ANO3: variants seen among roughly 807,000 people sequenced by gnomAD.
ANO3 encodes the protein anoctamin 3.
A neutral mutation model predicts 144.8 loss-of-function variants in ANO3; 99 were observed. The observed-to-expected ratio is 0.68, with a 90% CI of 0.58 to 0.81. ANO3 has a LOEUF of 0.81. Ranked by LOEUF, ANO3 falls within the 30% of genes least tolerant of loss-of-function variation. The pLI is 0.00. For missense variants in ANO3, 905 were observed against 1,202.2 expected, an observed-to-expected ratio of 0.75 and a Z score of 3.66; for synonymous variants, 414 against 392.6, an observed-to-expected ratio of 1.05 and a Z score of -0.64.
intron 14 of ANO3, among the ~76,000 whole-genome samples, chr11:26,574,271 C>T (rs764112692): frequency 5.9e-5 from 9 of 152,184 alleles, no homozygotes; most frequent in Non-Finnish European, 5.9e-5. Flanking sequence ...TTCCAGAACA[C>T]GAAGACACAT....
At chr11:26,572,967 C>T (rs1590568752) in intron 14 of ANO3, among the ~76,000 whole-genome samples, 1 of 152,128 alleles carries the variant, frequency 6.6e-6, no homozygotes, top group South Asian at 2.1e-4. Context: ...TGATTAAATA[C>T]TAGAGTTGAA....
intron 1 of ANO3, among the ~76,000 whole-genome samples, chr11:26,373,498 T>A (rs1856319740): frequency 6.6e-6 from 1 of 152,202 alleles, no homozygotes; most frequent in Non-Finnish European, 1.5e-5. Context: ...ATTAAACTGC[T>A]TTTCTTTATA....
intron 14 of ANO3, among the ~76,000 whole-genome samples, chr11:26,576,382 AT>A (rs1160278923): frequency 1.3e-5 from 2 of 152,114 alleles, no homozygotes; most frequent in East Asian, 1.9e-4. Context: ...AAATATAATA[AT>A]TTTTTTGGAG....
chr11:26,315,610 T>A (rs902687485), intron 1 of ANO3, among the ~76,000 whole-genome samples: 4 of 152,130 alleles, frequency 2.6e-5, no homozygotes, highest in Non-Finnish European at 5.9e-5. Flanking sequence ...AGAGATATTC[T>A]CTTTTTTTTT....
At chr11:26,469,359 A>G (rs1859701899) in intron 4 of ANO3, among the ~76,000 whole-genome samples, 1 of 151,904 alleles carries the variant, frequency 6.6e-6, no homozygotes, top group South Asian at 2.1e-4. Context: ...GGAGTGGTGT[A>G]TATGTTATGA....
chr11:26,588,096 T>C (rs1590594637), intron 14 of ANO3, among the ~76,000 whole-genome samples: 1 of 152,174 alleles, frequency 6.6e-6, no homozygotes, highest in Non-Finnish European at 1.5e-5. Context: ...CCACAGATTC[T>C]AAGAACAGTA....
intron 24 of ANO3, among the ~76,000 whole-genome samples, chr11:26,652,419 A>G (rs1299231330): frequency 6.6e-6 from 1 of 152,008 alleles, no homozygotes; most frequent in Non-Finnish European, 1.5e-5. Flanking sequence ...CTTCCTACCT[A>G]CAGTATGTGT....
chr11:26,417,186 A>T (rs1857614652), intron 1 of ANO3, among the ~76,000 whole-genome samples: 1 of 152,144 alleles, frequency 6.6e-6, no homozygotes. Context: ...AAGCTTAGAC[A>T]ACTAAAGCAA....
intron 14 of ANO3, chr11:26,565,180 A>G: frequency 1.5e-5 from 23 of 1,505,542 alleles, no homozygotes; most frequent in Non-Finnish European, 2.0e-5. Flanking sequence ...TGGGGATCTG[A>G]CGTATTTGGA....
At chr11:26,193,077 G>T (rs149569559) in intron 1 of ANO3, among the ~76,000 whole-genome samples, 34 of 150,136 alleles carry the variant, frequency 2.3e-4, no homozygotes, top group Middle Eastern at 7.0e-3. Context: ...TCTCCCTGCC[G>T]TTGCCCCCCA....
At chr11:26,548,008 AG>A (rs1849833076) in intron 12 of ANO3, among the ~76,000 whole-genome samples, 2 of 151,952 alleles carry the variant, frequency 1.3e-5, no homozygotes, top group South Asian at 4.1e-4. Flanking sequence ...TTTGCACATG[AG>A]GGAACCTAAT....
At chr11:26,299,766 C>T (rs2133861540) in intron 1 of ANO3, among the ~76,000 whole-genome samples, 1 of 152,242 alleles carries the variant, frequency 6.6e-6, no homozygotes, top group South Asian at 2.1e-4. Context: ...ATAGAAACTA[C>T]TCCATATGTG....
intron 2 of ANO3, among the ~76,000 whole-genome samples, chr11:26,442,791 G>C (rs1036969761): frequency 2.0e-5 from 3 of 152,122 alleles, no homozygotes; most frequent in Non-Finnish European, 4.4e-5. Flanking sequence ...TTTAGAGATG[G>C]AGTCTTGCTC....
In ANO3 at chr11:26,594,433, A is replaced by T. The variant is rs533866629; in HGVS notation, c.1448-3932A>T. Among the ~76,000 whole-genome samples, 20 of 152,310 alleles carry T rather than the reference A, an allele frequency of 1.3e-4. No homozygotes were observed. In the South Asian group the frequency reaches 3.9e-3, roughly 30 times the overall value. On this transcript the variant is annotated intron_variant, in intron 14 of 26. Transcript: ENST00000256737. ...GTAACATTATATCTCTCCATGTCAG[A>T]TCAAAGGATTGTCCTAACCCTTGTA...
chr11:26,621,971 C>T (rs1852428953), intron 17 of ANO3, among the ~76,000 whole-genome samples: 1 of 152,172 alleles, frequency 6.6e-6, no homozygotes, highest in African/African-American at 2.4e-5. Flanking sequence ...AATGTACACA[C>T]TCACAGCTTG....
At chr11:26,373,701 C>T (rs1434943748) in intron 1 of ANO3, among the ~76,000 whole-genome samples, 1 of 152,112 alleles carries the variant, frequency 6.6e-6, no homozygotes, top group Non-Finnish European at 1.5e-5. Flanking sequence ...ATAATCACAC[C>T]TGGCTCACAG....
intron 1 of ANO3, among the ~76,000 whole-genome samples, chr11:26,216,117 T>C (rs1215319905): frequency 6.6e-6 from 1 of 152,064 alleles, no homozygotes; most frequent in East Asian, 1.9e-4. Context: ...AAGGCTTTGG[T>C]ATAATACGTT....
intron 1 of ANO3, among the ~76,000 whole-genome samples, chr11:26,411,523 G>A (rs1055358110): frequency 5.3e-5 from 8 of 152,006 alleles, no homozygotes; most frequent in African/African-American, 1.9e-4. Flanking sequence ...ACCATGCTAA[G>A]AAAATTTTAC....
At chr11:26,563,083 G>GT in intron 14 of ANO3, 1 of 1,605,534 alleles carries the variant, frequency 6.2e-7, no homozygotes, top group Non-Finnish European at 8.5e-7. Flanking sequence ...TAAAACCACT[G>GT]TGCCCAGGTG....
Sources: allele counts gnomAD v4.1 joint callset (sites outside exome capture counted in the v4.1 genomes callset), GRCh38; gene constraint gnomAD v4.1.1; transcripts MANE v1.5; gene names NCBI Gene and HGNC (gene_info 2026-07-23, HGNC 2026-07-21).